ZGRF1: variants seen among roughly 807,000 people sequenced by gnomAD.
ZGRF1 encodes the protein zinc finger GRF-type containing 1.
Under a neutral mutation model 203.5 loss-of-function variants are expected in ZGRF1, and 196 were observed. The observed-to-expected ratio is 0.96, with a 90% CI of 0.86 to 1.08. The LOEUF is 1.08. ZGRF1 is among the 50% of genes least tolerant of loss of function. ZGRF1 has a pLI of 0.00. For missense variants in ZGRF1, 2,326 were observed against 2,416.3 expected, an observed-to-expected ratio of 0.96 and a Z score of 0.78; for synonymous variants, 809 against 841.3, an observed-to-expected ratio of 0.96 and a Z score of 0.66.
intron 1 of ZGRF1, among the ~76,000 whole-genome samples, chr4:112,633,687 A>G (rs2047487621): frequency 6.6e-6 from 1 of 152,214 alleles, no homozygotes; most frequent in South Asian, 2.1e-4. Context: ...ATTACATAGT[A>G]CCTCTACAAG....
At chr4:112,630,646 T>C (rs1359604936) in intron 3 of ZGRF1, among the ~76,000 whole-genome samples, 1 of 151,996 alleles carries the variant, frequency 6.6e-6, no homozygotes, top group Admixed American at 6.5e-5. Flanking sequence ...ATAAAGTTCT[T>C]TTTTAAAATT....
intron 16 of ZGRF1, among the ~76,000 whole-genome samples, chr4:112,581,430 A>G (rs898834403): frequency 2.0e-5 from 3 of 151,446 alleles, no homozygotes; most frequent in Non-Finnish European, 4.4e-5. Context: ...AAGTATAATA[A>G]AAATAAAAAT....
chr4:112,623,800 T>G lies in ZGRF1; in HGVS notation c.162+17A>C. ...TTTAAATAATAACTTAAAAATAAGA[T>G]AAACACACTAAAATACCTCAAGGCA... On this transcript the variant is annotated intron_variant, in intron 4 of 27. Coordinates refer to ENST00000505019, the MANE Select transcript of ZGRF1 (RefSeq NM_018392.5). 1 of 1,378,068 alleles carries G rather than the reference T, an allele frequency of 7.3e-7. No individual in the cohort carries two copies. The highest frequency in any genetic ancestry group is 1.4e-5 in the African/African-American group (1 of 69,054). 85.4% of individuals were successfully genotyped at this position (1,378,068 alleles called of 1,614,324 possible). A position where few individuals can be genotyped will look rare whatever the true frequency, so the allele number is the denominator to read the frequency against.
At chr4:112,586,660 G>A in intron 12 of ZGRF1, 77 bp from the exon 13 acceptor site, 1 of 1,108,132 alleles carries the variant, frequency 9.0e-7, no homozygotes, top group Non-Finnish European at 1.2e-6. Flanking sequence ...ATTTTTCATA[G>A]ACATTTTTTA....
intron 16 of ZGRF1, among the ~76,000 whole-genome samples, chr4:112,567,598 C>T (rs1743363641): frequency 6.6e-6 from 1 of 151,904 alleles, no homozygotes; most frequent in Admixed American, 6.6e-5. Context: ...ACAGTGAGGC[C>T]TCATCTCAAT....
rs1290347639 is a variant in ZGRF1 at position 112,633,262 on chromosome 4, A to G, written c.-66-20T>C. On this transcript the variant is annotated intron_variant, in intron 1 of 27. Transcript: ENST00000505019. ...TACCACCTAAAATTAAAAATGACAT[A>G]AAATTTCAACCCTGATTTTTAAAAA... The G allele has an allele frequency of 5.4e-6, 6 of 1,115,134 alleles. No homozygotes were observed. The highest frequency in any genetic ancestry group is 7.9e-6 in the Non-Finnish European group (6 of 755,808). The allele number at this position is 1,115,134 out of a possible 1,614,324, so 69.1% of individuals were successfully genotyped here.
At chr4:112,590,221 G>T (rs904347721) in intron 10 of ZGRF1, among the ~76,000 whole-genome samples, 15 of 152,144 alleles carry the variant, frequency 9.9e-5, no homozygotes, top group African/African-American at 3.6e-4. Flanking sequence ...AGCTGTGAAG[G>T]TCTAAATCCC....
At chr4:112,628,524 T>C (rs2047307989) in intron 3 of ZGRF1, 1 of 452,000 alleles carries the variant, frequency 2.2e-6, no homozygotes, top group African/African-American at 2.0e-5. Context: ...AGAATTTAGA[T>C]AGAGAAAAGG....
chr4:112,587,543 A>G lies in ZGRF1; in HGVS notation c.3514T>C (p.Phe1172Leu), dbSNP rs569118029. 5.6e-5 allele frequency: 90 copies of G among 1,613,786 alleles called. No homozygotes were observed. The highest frequency in any genetic ancestry group is 6.4e-5 in the Non-Finnish European group (76 of 1,179,850). Residue 1172 changes from phenylalanine (F) to leucine (L), a missense_variant, in exon 12 of 28, where the codon TTT becomes CTT. Phe to Leu is a conservative substitution (Grantham distance 22, BLOSUM62 0). Coordinates refer to ENST00000505019, the MANE Select transcript of ZGRF1 (RefSeq NM_018392.5). ...RVDKRITDGF[F>L]AEAVSGMHFR... The stretch of plus-strand genomic sequence containing the variant: ...TGCATCCCAGAAACAGCCTCAGCAA[A>G]GAAGCCATCAGTTATTCTCTTATCA...
In ZGRF1 at chr4:112,618,481, T is replaced by G; in HGVS notation, c.1561A>C (p.Ser521Arg). ...ESLNSIHESLSNVTQPFLEVT... is the reference protein window; with the variant it reads ...ESLNSIHESLRNVTQPFLEVT... ...TCCAAAAATGGTTGTGTTACATTAC[T>G]CAGAGATTCATGAATACTATTAAGA... Residue 521 changes from serine to arginine, a missense_variant, in exon 6 of 28, where the codon AGT becomes CGT. Ser to Arg is a moderately radical substitution (Grantham distance 110, BLOSUM62 -1). Transcript: ENST00000505019. 1.2e-6 allele frequency: 2 copies of G among 1,613,526 alleles called. No homozygotes were observed. Among genetic ancestry groups the G allele is most frequent in the Non-Finnish European group, 1.7e-6 (2 of 1,179,792 alleles).
chr4:112,624,067 G>A (rs538545492), intron 3 of ZGRF1, 191 bp from the exon 4 acceptor site: 15 of 424,338 alleles, frequency 3.5e-5, no homozygotes, highest in African/African-American at 2.7e-4. Flanking sequence ...GAGAGTAAAG[G>A]CATACATAAA....
chr4:112,629,951 A>C, intron 3 of ZGRF1: 1 of 333,366 alleles, frequency 3.0e-6, no homozygotes, highest in Non-Finnish European at 6.1e-6. Flanking sequence ...CCTTGGATGC[A>C]GAGGTTGTAG....
intron 16 of ZGRF1, among the ~76,000 whole-genome samples, chr4:112,563,852 G>A (rs1388579988): frequency 6.6e-6 from 1 of 152,164 alleles, no homozygotes; most frequent in Non-Finnish European, 1.5e-5. Flanking sequence ...TTCTCACTTT[G>A]CAGATGGTGC....
rs557334303 is a variant in ZGRF1 at position 112,543,602 on chromosome 4, G to T, written c.5599-2334C>A. On this transcript the variant is annotated intron_variant, in intron 24 of 27. Transcript: ENST00000505019. ...TAGGTACATGAAAAAGGGCAGAACA[G>T]TGTGCAGAGTACACTACCATTTGTT... Among the ~76,000 whole-genome samples, 5 of 152,274 alleles carry T rather than the reference G, an allele frequency of 3.3e-5. No individual in the cohort carries two copies. The South Asian group carries it at 8.3e-4, about 25-fold the overall frequency.
At position 112,578,094 on chromosome 4, in the gene ZGRF1, T is replaced by G. The variant is rs1243693995; in HGVS notation, c.4438+3569A>C. On this transcript the variant is annotated intron_variant, in intron 16 of 27. Coordinates refer to ENST00000505019, the MANE Select transcript of ZGRF1 (RefSeq NM_018392.5). ...TAACAAACTATCTCTCAGATCACAG[T>G]GCAAACCAGAACTCAGCATTAAGAA... Among the ~76,000 whole-genome samples, 4 of 122,706 alleles carry G rather than the reference T, an allele frequency of 3.3e-5. 2 individuals carry two copies. 80.5% of individuals were successfully genotyped at this position (122,706 alleles called of 152,430 possible).
At chr4:112,617,171 AAT>A (rs1490984533) in intron 6 of ZGRF1, among the ~76,000 whole-genome samples, 3 of 152,190 alleles carry the variant, frequency 2.0e-5, no homozygotes, top group Non-Finnish European at 4.4e-5. Context: ...TAAATGTGCC[AAT>A]ATATGCTTAT....
chr4:112,547,832 A>G (rs1296523961), intron 23 of ZGRF1, among the ~76,000 whole-genome samples: 1 of 152,196 alleles, frequency 6.6e-6, no homozygotes, highest in African/African-American at 2.4e-5. Context: ...TATAGTGGGG[A>G]AAAATCAAAG....
chr4:112,594,086 A>T (rs1748604548), intron 10 of ZGRF1, among the ~76,000 whole-genome samples: 2 of 152,054 alleles, frequency 1.3e-5, no homozygotes, highest in South Asian at 4.1e-4. Flanking sequence ...ATTCCCTTAT[A>T]ATTTGAGAGT....
chr4:112,584,344 AC>A (rs1746799468), intron 14 of ZGRF1, among the ~76,000 whole-genome samples, 170 bp from the exon 15 acceptor site: 1 of 152,178 alleles, frequency 6.6e-6, no homozygotes. Flanking sequence ...AAAACCACCT[AC>A]TTTTCCATTT....
Sources: allele counts gnomAD v4.1 joint callset (sites outside exome capture counted in the v4.1 genomes callset), GRCh38; gene constraint gnomAD v4.1.1; transcripts MANE v1.5; gene names NCBI Gene and HGNC (gene_info 2026-07-23, HGNC 2026-07-21).